Variants in LARGE1 observed in about 807,000 individuals in gnomAD.
LARGE1 encodes LARGE xylosyl- and glucuronyltransferase 1.
Under a neutral mutation model 87.6 loss-of-function variants are expected in LARGE1, and 43 were observed. That is an observed-to-expected ratio of 0.49 (90% CI 0.38 to 0.63). LARGE1 has a LOEUF of 0.63. Among genes scored for constraint, LARGE1 ranks in the 30% least tolerant of loss-of-function variants. The pLI, the probability that LARGE1 is intolerant of heterozygous loss-of-function variation, is 0.00. For synonymous variants in LARGE1, 434 were observed against 394.6 expected, an observed-to-expected ratio of 1.10 and a Z score of -1.18; for missense variants, 802 against 1,000.2, an observed-to-expected ratio of 0.80 and a Z score of 2.67.
intron 2 of LARGE1, among the ~76,000 whole-genome samples, chr22:33,757,204 T>C (rs1023262345): frequency 6.6e-6 from 1 of 152,194 alleles, no homozygotes; most frequent in African/African-American, 2.4e-5. Flanking sequence ...ACAGGTGTTC[T>C]TTCTTACAGG....
intron 11 of LARGE1, among the ~76,000 whole-genome samples, chr22:33,224,670 A>T (rs1207673153): frequency 6.6e-6 from 1 of 152,114 alleles, no homozygotes; most frequent in Non-Finnish European, 1.5e-5. Context: ...AGATCCAACA[A>T]GCTCCCTGGT....
At chr22:33,387,528 G>C (rs1224643371) in intron 7 of LARGE1, among the ~76,000 whole-genome samples, 2 of 145,112 alleles carry the variant, frequency 1.4e-5, no homozygotes, top group Non-Finnish European at 3.0e-5. Flanking sequence ...TAAAAAATGG[G>C]GGGGGGGATG....
chr22:33,104,021 T>C, the LARGE1 span, among the ~76,000 whole-genome samples: 1 of 152,222 alleles, frequency 6.6e-6, no homozygotes, highest in Non-Finnish European at 1.5e-5. Flanking sequence ...ATTAAACCTC[T>C]TTTTCTTTCT....
chr22:33,852,645 G>A (rs112207630), intron 1 of LARGE1, among the ~76,000 whole-genome samples: 8,020 of 151,880 alleles, frequency 0.053, 691 homozygotes, highest in African/African-American at 0.18. Flanking sequence ...TCAGGAGTTC[G>A]AGACCAGCCT....
intron 12 of LARGE1, among the ~76,000 whole-genome samples, chr22:33,289,868 C>T (rs1365609323): frequency 6.6e-6 from 1 of 152,228 alleles, no homozygotes; most frequent in East Asian, 1.9e-4. Context: ...CCCCTCCTCT[C>T]AGCTCACTCA....
intron 7 of LARGE1, among the ~76,000 whole-genome samples, chr22:33,421,718 G>A (rs2066702995): frequency 6.6e-6 from 1 of 152,198 alleles, no homozygotes. Flanking sequence ...TCACATATGA[G>A]TGAACTGGTG....
the LARGE1 span, among the ~76,000 whole-genome samples, chr22:33,146,219 G>A: frequency 6.6e-6 from 1 of 152,166 alleles, no homozygotes; most frequent in Non-Finnish European, 1.5e-5. Context: ...GGTGGTACCT[G>A]GAGACAGAAG....
At chr22:33,590,526 C>A (rs986295612) in intron 5 of LARGE1, among the ~76,000 whole-genome samples, 5 of 152,184 alleles carry the variant, frequency 3.3e-5, no homozygotes, top group African/African-American at 1.2e-4. Context: ...ACAATTTGAT[C>A]GCCCTCGAAA....
chr22:33,543,363 G>A (rs2077265879), intron 6 of LARGE1, among the ~76,000 whole-genome samples: 1 of 152,158 alleles, frequency 6.6e-6, no homozygotes, highest in Non-Finnish European at 1.5e-5. Flanking sequence ...CACTTTCATG[G>A]ATAAATAGGC....
At chr22:33,604,676 A>G in intron 4 of LARGE1, 118 bp from the exon 5 acceptor site, 1 of 1,337,392 alleles carries the variant, frequency 7.5e-7, no homozygotes. Flanking sequence ...GGCAATTGTG[A>G]AAGTAAATCT....
At chr22:33,620,690 G>A (rs1260974342) in intron 4 of LARGE1, among the ~76,000 whole-genome samples, 1 of 152,142 alleles carries the variant, frequency 6.6e-6, no homozygotes, top group Non-Finnish European at 1.5e-5. Flanking sequence ...GGGAAGCCGA[G>A]GCAGGTGGAT....
At position 33,359,624 on chromosome 22, in the gene LARGE1, C is replaced by T. The variant is rs199723180; in HGVS notation, c.1132-21823G>A. Among the ~76,000 whole-genome samples the T allele has an allele frequency of 5.6e-5, 8 of 141,742 alleles. No individual in the cohort carries two copies. In the East Asian group the frequency reaches 6.2e-4, roughly 11 times the overall value. 93.0% of individuals were successfully genotyped at this position (141,742 alleles called of 152,430 possible). ...TGTTGCCAAGGCTGGAGCTCAGTGG[C>T]GCGATCTTGGCTCACTGCAAGCTCC... On this transcript the variant is annotated intron_variant, in intron 9 of 14. Coordinates refer to ENST00000397394, the MANE Select transcript of LARGE1 (RefSeq NM_133642.5).
At chr22:33,681,063 G>T (rs971968377) in intron 2 of LARGE1, among the ~76,000 whole-genome samples, 1 of 151,992 alleles carries the variant, frequency 6.6e-6, no homozygotes, top group Non-Finnish European at 1.5e-5. Flanking sequence ...TGTTTTAATT[G>T]CACTCAATTT....
At chr22:33,782,683 G>T (rs1187889680) in intron 1 of LARGE1, among the ~76,000 whole-genome samples, 1 of 151,914 alleles carries the variant, frequency 6.6e-6, no homozygotes, top group African/African-American at 2.4e-5. Flanking sequence ...TGGCCAACAT[G>T]GTGAAACCCC....
intron 6 of LARGE1, among the ~76,000 whole-genome samples, chr22:33,554,359 A>T (rs930678459): frequency 1.3e-5 from 2 of 152,160 alleles, no homozygotes; most frequent in African/African-American, 4.8e-5. Context: ...TCAGAAAAGG[A>T]AACTGTAACA....
Position 33,833,198 on chromosome 22 carries a change from G to T in LARGE1, c.-82-71640C>A, listed in dbSNP as rs139337920. Among the ~76,000 whole-genome samples the T allele has an allele frequency of 3.2e-4, 49 of 152,252 alleles. 1 individual carries two copies. The East Asian group carries it at 7.3e-3, about 23-fold the overall frequency. On this transcript the variant is annotated intron_variant, in intron 1 of 14. Transcript: ENST00000397394. ...TTAGATTTGAAACTAATGTAATACT[G>T]AAACATCTGAATGGCGGATTACCAA...
At chr22:33,787,938 G>A (rs2085702916) in intron 1 of LARGE1, among the ~76,000 whole-genome samples, 1 of 152,156 alleles carries the variant, frequency 6.6e-6, no homozygotes, top group Admixed American at 6.5e-5. Context: ...AAATAACAAG[G>A]TCTTAAGAAG....
chr22:33,756,487 T>A (rs1461698090), intron 2 of LARGE1, among the ~76,000 whole-genome samples: 1 of 152,102 alleles, frequency 6.6e-6, no homozygotes, highest in South Asian at 2.1e-4. Flanking sequence ...AGCAATTAAT[T>A]GTGTTTCAGC....
At chr22:33,753,150 T>TC (rs1474012609) in intron 2 of LARGE1, among the ~76,000 whole-genome samples, 1 of 151,548 alleles carries the variant, frequency 6.6e-6, no homozygotes, top group Non-Finnish European at 1.5e-5. Context: ...AACCAGGGAG[T>TC]CGGAGGTTGC....
Sources: allele counts gnomAD v4.1 joint callset (sites outside exome capture counted in the v4.1 genomes callset), GRCh38; gene constraint gnomAD v4.1.1; transcripts MANE v1.5; gene names NCBI Gene and HGNC (gene_info 2026-07-23, HGNC 2026-07-21).